The following GCSAML variants were observed in gnomAD, a reference collection of about 807,000 sequenced individuals.
GCSAML encodes germinal center associated signaling and motility like.
Under a neutral mutation model 13.0 loss-of-function variants are expected in GCSAML, and 9 were observed. The observed-to-expected ratio is 0.69, with a 90% CI of 0.42 to 1.21. GCSAML has a LOEUF of 1.21. Among genes scored for constraint, GCSAML ranks in the 50% most tolerant of loss-of-function variants. The probability of loss-of-function intolerance (pLI) is 0.00; values close to 1 mark genes in which losing one functional copy is unlikely to be tolerated. For synonymous variants in GCSAML, 37 were observed against 52.9 expected (o/e 0.70, Z 1.31); for missense variants, 143 against 153.4 (o/e 0.93, Z 0.36).
At chr1:247,563,945 T>A (rs1463935477) in intron 3 of GCSAML, among the ~76,000 whole-genome samples, 2 of 152,134 alleles carry the variant, frequency 1.3e-5, no homozygotes, top group Non-Finnish European at 2.9e-5. Context: ...GTGTATTTTT[T>A]TTTTTGAGAT....
chr1:247,520,698 G>A (rs1026114562), intron 1 of GCSAML, among the ~76,000 whole-genome samples: 1 of 152,072 alleles, frequency 6.6e-6, no homozygotes, highest in Non-Finnish European at 1.5e-5. Context: ...TTAATGCGTA[G>A]TTTTCAAATT....
intron 2 of GCSAML, among the ~76,000 whole-genome samples, chr1:247,536,869 TA>T (rs1037352238): frequency 3.3e-5 from 5 of 152,206 alleles, no homozygotes; most frequent in East Asian, 1.9e-4. Flanking sequence ...ACTCTTTTTT[TA>T]AAAAAACCAT....
At chr1:247,546,382 C>T (rs1196718945), upstream of GCSAML, among the ~76,000 whole-genome samples, 6 of 151,930 alleles carry the variant, frequency 3.9e-5, no homozygotes, top group Non-Finnish European at 7.4e-5. Flanking sequence ...TTTTTTGAGA[C>T]GAGTCTCGCT....
At chr1:247,547,334 C>T (rs1427395656), upstream of GCSAML, among the ~76,000 whole-genome samples, 1 of 152,156 alleles carries the variant, frequency 6.6e-6, no homozygotes, top group East Asian at 1.9e-4. Context: ...TAGCTCCTAT[C>T]CATTCTGCAG....
intron 4 of GCSAML, among the ~76,000 whole-genome samples, chr1:247,566,215 G>A (rs1405644433): frequency 1.3e-5 from 2 of 151,914 alleles, no homozygotes; most frequent in African/African-American, 2.4e-5. Context: ...TACCGTTTTG[G>A]CCTCAATTCT....
rs1251614591 is a variant in GCSAML at position 247,574,981 on chromosome 1, C to G, written c.*599C>G. On this transcript the variant is annotated 3_prime_UTR_variant, in exon 5 of 5. Transcript: ENST00000366488. ...ACAGAGACCTTGGTTTCCACAACCCCTTTATTTTAGCTAAAGCATTCTTTT... is the reference window on the plus strand; with the variant it reads ...ACAGAGACCTTGGTTTCCACAACCCGTTTATTTTAGCTAAAGCATTCTTTT... 3 of 152,814 alleles carry G rather than the reference C, an allele frequency of 2.0e-5. No individual in the cohort carries two copies. The highest frequency in any genetic ancestry group is 1.9e-4 in the East Asian group (1 of 5,192). The allele number at this position is 152,814 out of a possible 1,614,324, so 9.5% of individuals were successfully genotyped here.
chr1:247,546,918 T>A (rs1469595235), upstream of GCSAML, among the ~76,000 whole-genome samples: 2 of 142,514 alleles, frequency 1.4e-5, no homozygotes, highest in Non-Finnish European at 3.0e-5. Flanking sequence ...AACAAGACCT[T>A]TTCTCTACTA....
intron 1 of GCSAML, among the ~76,000 whole-genome samples, chr1:247,550,461 CT>C (rs1667730831): frequency 6.6e-6 from 1 of 152,098 alleles, no homozygotes; most frequent in Non-Finnish European, 1.5e-5. Flanking sequence ...CACGGTGAAA[CT>C]CCGTCTCTAC....
At chr1:247,510,935 A>C (rs1371399978) in intron 1 of GCSAML, among the ~76,000 whole-genome samples, 1 of 152,182 alleles carries the variant, frequency 6.6e-6, no homozygotes, top group African/African-American at 2.4e-5. Flanking sequence ...TCAATTTTAG[A>C]ATAAGTGCTA....
intron 1 of GCSAML, among the ~76,000 whole-genome samples, chr1:247,520,821 A>G (rs894744743): frequency 1.1e-4 from 17 of 152,216 alleles, no homozygotes; most frequent in Admixed American, 5.9e-4. Context: ...TAGACATTGC[A>G]AAAAGGGAAA....
intron 2 of GCSAML, among the ~76,000 whole-genome samples, chr1:247,535,468 T>C (rs1667182136): frequency 6.6e-6 from 1 of 152,186 alleles, no homozygotes; most frequent in Non-Finnish European, 1.5e-5. Flanking sequence ...GTGTACTGTA[T>C]ATAGAGTCAC....
At chr1:247,534,519 G>A (rs1171723779) in intron 2 of GCSAML, among the ~76,000 whole-genome samples, 4 of 152,198 alleles carry the variant, frequency 2.6e-5, no homozygotes, top group East Asian at 1.9e-4. Context: ...AAACGAGCAC[G>A]ATTTAGCAGG....
chr1:247,523,975 A>G (rs914748340), intron 1 of GCSAML, among the ~76,000 whole-genome samples: 15 of 148,638 alleles, frequency 1.0e-4, no homozygotes, highest in Admixed American at 4.8e-4. Context: ...TTGACTGAAC[A>G]TTTGGAAAAC....
At chr1:247,550,338 G>A (rs895975322) in intron 1 of GCSAML, among the ~76,000 whole-genome samples, 1 of 152,098 alleles carries the variant, frequency 6.6e-6, no homozygotes, top group Admixed American at 6.6e-5. Context: ...ATTGCTATTT[G>A]TTAAAGAGCT....
chr1:247,530,355 C>T (rs745653357), intron 2 of GCSAML: 5 of 152,024 alleles, frequency 3.3e-5, no homozygotes, highest in African/African-American at 7.3e-5. Flanking sequence ...AATTAGGACT[C>T]GTTTGTCCTT....
At chr1:247,513,246 G>A (rs996066982) in intron 1 of GCSAML, among the ~76,000 whole-genome samples, 4 of 152,274 alleles carry the variant, frequency 2.6e-5, no homozygotes, top group East Asian at 1.9e-4. Context: ...TGGCTACAGC[G>A]GCTTTGCTGA....
At chr1:247,572,127 T>G (rs1465396169) in intron 4 of GCSAML, among the ~76,000 whole-genome samples, 2 of 152,216 alleles carry the variant, frequency 1.3e-5, no homozygotes, top group African/African-American at 4.8e-5. Flanking sequence ...GGTTCTTAGC[T>G]TCCTTGCATT....
rs755661034 is a variant in GCSAML at position 247,549,172 on chromosome 1, A to G, written c.-20A>G. 6.2e-7 allele frequency: 1 copy of G among 1,614,132 alleles called. No individual in the cohort carries two copies. The highest frequency in any genetic ancestry group is 2.2e-5 in the East Asian group (1 of 44,874). On this transcript the variant is annotated 5_prime_UTR_variant, in exon 1 of 5. Transcript: ENST00000366488. ...GTGGAGTGAAACTCAGGAGCTGAGA[A>G]ACCGAGTCACTGTGAAAAGATGGGA...
chr1:247,516,987 C>G (rs1336561813), intron 1 of GCSAML, among the ~76,000 whole-genome samples: 3 of 152,120 alleles, frequency 2.0e-5, no homozygotes, highest in Non-Finnish European at 4.4e-5. Context: ...TACTTACTAC[C>G]AAAATAACTC....
Sources: allele counts gnomAD v4.1 joint callset (sites outside exome capture counted in the v4.1 genomes callset), GRCh38; gene constraint gnomAD v4.1.1; transcripts MANE v1.5; gene names NCBI Gene and HGNC (gene_info 2026-07-23, HGNC 2026-07-21).